Variants in TOP1MT observed in about 807,000 individuals in gnomAD.
TOP1MT encodes the protein DNA topoisomerase I, mitochondrial.
In TOP1MT, 80 loss-of-function variants were observed where a neutral mutation model predicts 73.9. That is an observed-to-expected ratio of 1.08 (90% CI 0.90 to 1.30). The LOEUF is 1.30. Among genes scored for constraint, TOP1MT ranks in the 50% most tolerant of loss-of-function variants. The pLI is 0.00. For synonymous variants in TOP1MT, 338 were observed against 326.4 expected (o/e 1.04, Z -0.38); for missense variants, 815 against 808.0 (o/e 1.01, Z -0.10).
chr8:143,318,153 T>C, intron 8 of TOP1MT, 67 bp from the exon 9 acceptor site: 1 of 1,495,058 alleles, frequency 6.7e-7, no homozygotes, highest in Non-Finnish European at 9.3e-7. Flanking sequence ...CTGAAGGGCG[T>C]CTACGCAGAG....
At position 143,309,398 on chromosome 8, in the gene TOP1MT, A is replaced by G; in HGVS notation, c.*43T>C. 6.3e-7 allele frequency: 1 copy of G among 1,596,486 alleles called. No individual in the cohort carries two copies. Among genetic ancestry groups the G allele is most frequent in the South Asian group, 1.1e-5 (1 of 90,618 alleles). ...CCCCAGTACTGCTTTAATAGTGAAA[A>G]AAACACACACACATACAAAAGAAGT... On this transcript the variant is annotated 3_prime_UTR_variant, in exon 14 of 14. Coordinates refer to ENST00000329245, the MANE Select transcript of TOP1MT (RefSeq NM_052963.3).
upstream of TOP1MT, among the ~76,000 whole-genome samples, chr8:143,346,473 G>A (rs1325651581): frequency 1.3e-5 from 2 of 152,148 alleles, no homozygotes; most frequent in African/African-American, 4.8e-5. Flanking sequence ...AACAAACAAA[G>A]CAGCACAAGA....
chr8:143,314,679 G>T (rs1816104718), intron 12 of TOP1MT, among the ~76,000 whole-genome samples: 1 of 152,152 alleles, frequency 6.6e-6, no homozygotes, highest in African/African-American at 2.4e-5. Context: ...CCACATCTGG[G>T]TTGGTGTGGG....
At chr8:143,323,439 C>T (rs1420839018) in intron 7 of TOP1MT, among the ~76,000 whole-genome samples, 6 of 116,626 alleles carry the variant, frequency 5.1e-5, no homozygotes, top group Admixed American at 8.2e-5. Context: ...ACGCCACACA[C>T]GCACGCCACA....
At chr8:143,336,224 ACTCCTGGG>A (rs1290816946), upstream of TOP1MT, among the ~76,000 whole-genome samples, 1 of 151,846 alleles carries the variant, frequency 6.6e-6, no homozygotes, top group South Asian at 2.1e-4. Flanking sequence ...CTGGTCTCGA[ACTCCTGGG>A]CTCAAGTACC....
chr8:143,321,399 G>A lies in TOP1MT; in HGVS notation c.961-13C>T, dbSNP rs1463809145. On this transcript the variant is annotated splice_polypyrimidine_tract_variant and intron_variant, in intron 7 of 13. Transcript: ENST00000329245. Reference sequence around the variant, plus strand: ...CTCTCAGTGCCAGCTAGTTGGTGGGGAATGGTCAAAGTGGGTGGTGCGTGC... The same window carrying A: ...CTCTCAGTGCCAGCTAGTTGGTGGGAAATGGTCAAAGTGGGTGGTGCGTGC... The A allele has an allele frequency of 3.2e-6, 5 of 1,569,760 alleles. No homozygotes were observed. Among genetic ancestry groups the A allele is most frequent in the Non-Finnish European group, 3.5e-6 (4 of 1,151,920 alleles).
Position 143,329,669 on chromosome 8 carries a change from A to G in TOP1MT, c.239-198T>C, listed in dbSNP as rs79023192. 7.4e-3 allele frequency among the ~76,000 whole-genome samples: 1,120 copies of G among 152,152 alleles called. 13 individuals carry two copies. Among genetic ancestry groups the G allele is most frequent in the African/African-American group, 0.026 (1,065 of 41,530 alleles). On this transcript the variant is annotated intron_variant, in intron 2 of 13. Transcript: ENST00000329245. ...CTGCGTGGAGGTGGCGACCACAGTG[A>G]TCTGGGAGCGGGTCGTGAGAAAGCT...
chr8:143,322,036 C>G (rs556915769), intron 7 of TOP1MT, among the ~76,000 whole-genome samples: 3 of 122,018 alleles, frequency 2.5e-5, no homozygotes, highest in South Asian at 3.4e-4. Flanking sequence ...GCACGCCATA[C>G]AGATGCATGC....
chr8:143,329,370 A>T lies in TOP1MT; in HGVS notation c.340T>A (p.Phe114Ile). ...YTTKEVFRKN[F>I]FNDWRKEMAV... ...CCTACCTTTCGCCAGTCATTGAAGA[A>T]GTTCTTCCGGAAAACCTCCTTTGTT... Residue 114 changes from phenylalanine to isoleucine, a missense_variant, in exon 3 of 14, where the codon TTC becomes ATC. By Grantham distance (21) the Phe-to-Ile change is conservative. Transcript: ENST00000329245. The T allele has an allele frequency of 6.2e-7, 1 of 1,607,902 alleles. No individual in the cohort carries two copies. The highest frequency in any genetic ancestry group is 8.5e-7 in the Non-Finnish European group (1 of 1,178,360).
In TOP1MT at chr8:143,309,360, A is replaced by G. The variant is rs1815938789; in HGVS notation, c.*81T>C. 6.9e-7 allele frequency: 1 copy of G among 1,445,772 alleles called. No homozygotes were observed. Among genetic ancestry groups the G allele is most frequent in the African/African-American group, 1.4e-5 (1 of 71,532 alleles). 89.6% of individuals were successfully genotyped at this position (1,445,772 alleles called of 1,614,324 possible). A position where few individuals can be genotyped will look rare whatever the true frequency, so the allele number is the denominator to read the frequency against. ...ATGTACAAGCACTTGCACACATTTT[A>G]TTGTACAAAATTCCCCAGTACTGCT... is the stretch of plus-strand genomic sequence containing the variant. On this transcript the variant is annotated 3_prime_UTR_variant, in exon 14 of 14. Coordinates refer to ENST00000329245, the MANE Select transcript of TOP1MT (RefSeq NM_052963.3).
intron 2 of TOP1MT, among the ~76,000 whole-genome samples, chr8:143,342,834 G>C (rs377539976): frequency 1.4e-5 from 2 of 140,892 alleles, no homozygotes; most frequent in East Asian, 2.0e-4. Flanking sequence ...ACCCAGGCTG[G>C]AGTGCAGTGG....
chr8:143,311,608 T>C (rs915509930), intron 12 of TOP1MT, among the ~76,000 whole-genome samples: 16 of 152,110 alleles, frequency 1.1e-4, no homozygotes, highest in Non-Finnish European at 1.9e-4. Context: ...TAGCCAGGCA[T>C]GGTGCCGTGC....
intron 2 of TOP1MT, among the ~76,000 whole-genome samples, chr8:143,330,706 T>C (rs1050134091): frequency 6.6e-6 from 1 of 152,126 alleles, no homozygotes; most frequent in African/African-American, 2.4e-5. Flanking sequence ...CCAAAGCTCC[T>C]GGGCCCTGGG....
intron 2 of TOP1MT, among the ~76,000 whole-genome samples, chr8:143,343,013 C>T (rs891436039): frequency 6.6e-6 from 1 of 152,022 alleles, no homozygotes; most frequent in Admixed American, 6.6e-5. Context: ...CACCCACCTC[C>T]GCCTCCCAAA....
At position 143,317,844 on chromosome 8, in the gene TOP1MT, AG is replaced by A. The variant is rs1563755068; in HGVS notation, c.1216-8del. 5.6e-6 allele frequency: 9 copies of A among 1,613,802 alleles called. No homozygotes were observed. The highest frequency in any genetic ancestry group is 7.6e-6 in the Non-Finnish European group (9 of 1,179,806). On this transcript the variant is annotated splice_polypyrimidine_tract_variant and splice_region_variant and intron_variant, in intron 9 of 13. Transcript: ENST00000329245. Reference sequence around the variant, plus strand: ...GCTTGTTCAGGCTGGTCGTCTGGGGAGGAAAATGGTCTCTATAATTACGTGG... The same window carrying A: ...GCTTGTTCAGGCTGGTCGTCTGGGGAGAAAATGGTCTCTATAATTACGTGG...
chr8:143,339,200 A>C (rs1450560610), upstream of TOP1MT, among the ~76,000 whole-genome samples: 2 of 152,202 alleles, frequency 1.3e-5, no homozygotes, highest in African/African-American at 2.4e-5. Context: ...TGCAAAAGAA[A>C]CAGTGACTTT....
intron 7 of TOP1MT, among the ~76,000 whole-genome samples, 158 bp from the exon 8 acceptor site, chr8:143,321,544 CCA>C (rs1348281116): frequency 1.2e-3 from 138 of 112,282 alleles, no homozygotes; most frequent in East Asian, 2.6e-3. Context: ...CACACGCACG[CCA>C]CACACGCACG....
chr8:143,351,310 G>A (rs960389477), intron 1 of TOP1MT, among the ~76,000 whole-genome samples: 1 of 152,016 alleles, frequency 6.6e-6, no homozygotes, highest in African/African-American at 2.4e-5. Context: ...CGGTGGCTCA[G>A]GCCTGTAATC....
intron 9 of TOP1MT, 30 bp from the exon 10 acceptor site, chr8:143,317,867 G>A (rs887166368): frequency 4.0e-5 from 65 of 1,610,368 alleles, no homozygotes; most frequent in Non-Finnish European, 4.9e-5. Context: ...CTATAATTAC[G>A]TGGTTTTGCG....
Sources: allele counts gnomAD v4.1 joint callset (sites outside exome capture counted in the v4.1 genomes callset), GRCh38; gene constraint gnomAD v4.1.1; transcripts MANE v1.5; gene names NCBI Gene and HGNC (gene_info 2026-07-23, HGNC 2026-07-21).